The following HSPG2 variants were observed in gnomAD, a reference collection of about 807,000 sequenced individuals.
HSPG2 encodes heparan sulfate proteoglycan 2, also known as basement membrane-specific heparan sulfate proteoglycan core protein.
Under a neutral mutation model 526.6 loss-of-function variants are expected in HSPG2, and 278 were observed. That is an observed-to-expected ratio of 0.53 (90% CI 0.48 to 0.58). HSPG2 has a LOEUF of 0.58. Among genes scored for constraint, HSPG2 ranks in the 20% least tolerant of loss-of-function variants. HSPG2 has a pLI of 0.00. For missense variants in HSPG2, 5,354 were observed against 6,099.5 expected (o/e 0.88, Z 4.07); for synonymous variants, 2,465 against 2,555.4 (o/e 0.96, Z 1.07).
chr1:21,891,047 G>T (rs1642323045), intron 3 of HSPG2, among the ~76,000 whole-genome samples: 1 of 152,208 alleles, frequency 6.6e-6, no homozygotes, highest in Non-Finnish European at 1.5e-5. Context: ...CGTGTGACTG[G>T]GAAAGGCTCT....
rs1351040089 is a variant in HSPG2 at position 21,853,064 on chromosome 1, C to A, written c.6446G>T (p.Gly2149Val). 1 of 1,613,852 alleles carries A rather than the reference C, an allele frequency of 6.2e-7. No homozygotes were observed. Among genetic ancestry groups the A allele is most frequent in the Non-Finnish European group, 8.5e-7 (1 of 1,179,944 alleles). ...HSGPSYTPVPGSTRPIRIEPS... is the reference protein window; with the variant it reads ...HSGPSYTPVPVSTRPIRIEPS... The stretch of plus-strand genomic sequence containing the variant: ...CTCGATGCGGATGGGCCGGGTGCTG[C>A]CGGGCACTGGACACAGAGCGGCTGC... Residue 2149 changes from glycine (G) to valine (V), a missense_variant, in exon 51 of 97, where the codon GGC becomes GTC. Coordinates refer to ENST00000374695, the MANE Select transcript of HSPG2 (RefSeq NM_005529.7).
At chr1:21,825,235 ATTACT>A (rs2097967353) in intron 91 of HSPG2, 1 of 204,716 alleles carries the variant, frequency 4.9e-6, no homozygotes, top group Non-Finnish European at 1.0e-5. Flanking sequence ...ACATGTTTTG[ATTACT>A]TTACTTCAGC....
rs758924427 is a variant in HSPG2 at position 21,884,997 on chromosome 1, G to A, written c.1355+16C>T. The A allele has an allele frequency of 2.5e-6, 4 of 1,613,890 alleles. No homozygotes were observed. The East Asian group carries it at 8.9e-5, about 36-fold the overall frequency. ...GCCCCTCATTCCCACCCCACCACCT[G>A]GGCCCAGAGCCGCACCTGGGATGAG... On this transcript the variant is annotated intron_variant, in intron 11 of 96. Coordinates refer to ENST00000374695, the MANE Select transcript of HSPG2 (RefSeq NM_005529.7).
rs1200195385 is a variant in HSPG2, at chr1:21,880,839, G to A, written c.1819-4C>T. On this transcript the variant is annotated splice_polypyrimidine_tract_variant and splice_region_variant and intron_variant, in intron 14 of 96. Coordinates refer to ENST00000374695, the MANE Select transcript of HSPG2 (RefSeq NM_005529.7). ...GGGAGCCGCCATAGGAGTCCACCTG[G>A]CACAACAGGGTGGATCAGCACGGGC... The A allele has an allele frequency of 6.3e-7, 1 of 1,587,966 alleles. No individual in the cohort carries two copies. The highest frequency in any genetic ancestry group is 2.3e-5 in the East Asian group (1 of 43,582).
In HSPG2 at chr1:21,873,328, G is replaced by A. The variant is rs2454290; in HGVS notation, c.3793+47C>T. On this transcript the variant is annotated intron_variant, in intron 30 of 96. Coordinates refer to ENST00000374695, the MANE Select transcript of HSPG2 (RefSeq NM_005529.7). ...AGGCTTCTGTCCTAGCTCCGCCCTA[G>A]GGACTCTGGGTAACCCGACCCCAAT... is the stretch of plus-strand genomic sequence containing the variant. The A allele has an allele frequency of 0.83, 1,331,531 of 1,603,690 alleles. 559,398 individuals carry two copies. The highest frequency in any genetic ancestry group is 0.98 in the East Asian group (43,795 of 44,836).
chr1:21,921,851 T>C (rs1644047256), intron 1 of HSPG2, among the ~76,000 whole-genome samples: 1 of 152,190 alleles, frequency 6.6e-6, no homozygotes, highest in Admixed American at 6.5e-5. Context: ...GGAAGGTCCC[T>C]GAGAGCATTT....
At chr1:21,857,432 C>G in intron 42 of HSPG2, 47 bp from the exon 43 acceptor site, 1 of 1,544,754 alleles carries the variant, frequency 6.5e-7, no homozygotes, top group Non-Finnish European at 8.9e-7. Flanking sequence ...GGCTAGGCCC[C>G]GGTCCTGTGG....
chr1:21,838,460 C>T (rs1381941582), intron 74 of HSPG2, among the ~76,000 whole-genome samples: 1 of 152,272 alleles, frequency 6.6e-6, no homozygotes, highest in East Asian at 1.9e-4. Context: ...CATCCTGGGC[C>T]TTGTTGCCCT....
intron 47 of HSPG2, 56 bp from the exon 48 acceptor site, chr1:21,855,039 A>G (rs1288822179): frequency 4.3e-5 from 69 of 1,597,242 alleles, no homozygotes; most frequent in Non-Finnish European, 6.8e-6. Flanking sequence ...ACGGCTGGCC[A>G]GGGGGACAGA....
At chr1:21,885,583 A>C in intron 9 of HSPG2, 132 bp from the exon 10 acceptor site, 3 of 1,006,272 alleles carry the variant, frequency 3.0e-6, no homozygotes, top group Middle Eastern at 3.0e-4. Context: ...GCTGCACAAC[A>C]CTGTCCAACT....
Position 21,850,367 on chromosome 1 carries a change from C to G in HSPG2, c.7290G>C (p.Val2430=), listed in dbSNP as rs376434256. The stretch of plus-strand genomic sequence containing the variant: ...CCCTCCCTGAGAGCTACTCACCAGG[C>G]ACTGAGCCCGCAGGCTCAATGGTGA... ...VLVTIEPAGS[V]PALGVTPTVR... is the part of the protein sequence containing the mutation. The change falls in exon 56 of 97, where the codon GTG becomes GTC. Residue 2430 remains valine (V), a synonymous_variant. Coordinates refer to ENST00000374695, the MANE Select transcript of HSPG2 (RefSeq NM_005529.7). 6.2e-7 allele frequency: 1 copy of G among 1,606,986 alleles called. No homozygotes were observed. Among genetic ancestry groups the G allele is most frequent in the Admixed American group, 1.7e-5 (1 of 58,888 alleles).
At chr1:21,829,898 A>G (rs897577087) in intron 86 of HSPG2, 95 bp downstream of exon 86, 9 of 1,080,522 alleles carry the variant, frequency 8.3e-6, no homozygotes, top group African/African-American at 3.1e-5. Context: ...GAATCGTTTT[A>G]TCATCCGTAG....
chr1:21,823,569 G>A (rs1265727963), intron 96 of HSPG2, 47 bp downstream of exon 96: 27 of 1,609,846 alleles, frequency 1.7e-5, no homozygotes, highest in Non-Finnish European at 2.1e-5. Context: ...CTAGCCCTAA[G>A]GGAGTGCCGT....
In HSPG2 at chr1:21,828,014, A is replaced by G. The variant is rs769067882; in HGVS notation, c.12532+16T>C. 6.2e-7 allele frequency: 1 copy of G among 1,613,564 alleles called. No individual in the cohort carries two copies. Among genetic ancestry groups the G allele is most frequent in the Non-Finnish European group, 8.5e-7 (1 of 1,179,974 alleles). On this transcript the variant is annotated intron_variant, in intron 90 of 96. Coordinates refer to ENST00000374695, the MANE Select transcript of HSPG2 (RefSeq NM_005529.7). This position sits in a 1 kb window ranked among gnomAD's most constrained non-coding sequence, Gnocchi z 6.0. Reference sequence around the variant, plus strand: ...CCAAGACAGAGATGAAGTGGAGAGAAGCCAGGCCTGGGTACCTTGTTGGCA... The same window carrying G: ...CCAAGACAGAGATGAAGTGGAGAGAGGCCAGGCCTGGGTACCTTGTTGGCA...
chr1:21,873,516 T>G, intron 29 of HSPG2, 92 bp from the exon 30 acceptor site: 1 of 1,198,728 alleles, frequency 8.3e-7, no homozygotes, highest in South Asian at 1.2e-5. Context: ...TTCAATGGCC[T>G]CATGCACTGG....
Position 21,874,559 on chromosome 1 carries a change from G to A in HSPG2, c.3529-26C>T, listed in dbSNP as rs764081824. The A allele has an allele frequency of 8.1e-6, 13 of 1,613,736 alleles. No homozygotes were observed. In the South Asian group the frequency reaches 1.2e-4, roughly 15 times the overall value. On this transcript the variant is annotated intron_variant, in intron 27 of 96. Coordinates refer to ENST00000374695, the MANE Select transcript of HSPG2 (RefSeq NM_005529.7). ...CTGGAGGAGCAGGATGTGAGTTGAG[G>A]CTGGGCCTCCAGAGGCCACAGATTG...
chr1:21,832,737 C>T, intron 80 of HSPG2, 131 bp from the exon 81 acceptor site: 2 of 690,288 alleles, frequency 2.9e-6, no homozygotes, highest in East Asian at 2.7e-5. Flanking sequence ...GCACTCCTCA[C>T]ACAGCCAGGG....
Position 21,829,445 on chromosome 1 carries a change from TC to T in HSPG2, c.11929del (p.Glu3977ArgfsTer53). 1 of 1,613,276 alleles carries T rather than the reference TC, an allele frequency of 6.2e-7. No homozygotes were observed. The highest frequency in any genetic ancestry group is 8.5e-7 in the Non-Finnish European group (1 of 1,179,820). Reference sequence around the variant, plus strand: ...CACCATCGCCAGGGACACGAAGTCCTCCACAGGCCCGCTCTTCCCCCCGCTG... The same window carrying T: ...CACCATCGCCAGGGACACGAAGTCCTCACAGGCCCGCTCTTCCCCCCGCTG... ...LFSGGKSGPV[E>X]DFVSLAMVGG... On this transcript the variant is annotated frameshift_variant, in exon 87 of 97. Transcript: ENST00000374695. LOFTEE classifies it high-confidence loss of function.
chr1:21,841,460 GGAT>G, intron 70 of HSPG2, 76 bp downstream of exon 70: 2 of 1,593,382 alleles, frequency 1.3e-6, no homozygotes, highest in Non-Finnish European at 1.7e-6. Flanking sequence ...GGTGGAAGGA[GGAT>G]TTAAACTTGG....
Sources: gnomAD v4.1 joint callset for allele counts (sites outside exome capture counted in the v4.1 genomes callset) on GRCh38, gnomAD v4.1.1 for gene constraint, Gnocchi (gnomAD v3.1) non-coding constraint, MANE v1.5 for transcripts, NCBI Gene and HGNC (gene_info 2026-07-23, HGNC 2026-07-21) for gene names.